The following DYNC2I1 variants were observed in gnomAD, a reference collection of about 807,000 sequenced individuals.
DYNC2I1 encodes dynein 2 intermediate chain 1, also known as cytoplasmic dynein 2 intermediate chain 1.
In DYNC2I1, 89 loss-of-function variants were observed where a neutral mutation model predicts 133.4. That is an observed-to-expected ratio of 0.67 (90% CI 0.56 to 0.80). DYNC2I1 has a LOEUF of 0.80. Among genes scored for constraint, DYNC2I1 ranks in the 30% least tolerant of loss-of-function variants. The probability of loss-of-function intolerance (pLI) is 0.00; values close to 1 mark genes in which losing one functional copy is unlikely to be tolerated. For missense variants in DYNC2I1, 1,291 were observed against 1,314.5 expected (o/e 0.98, Z 0.28); for synonymous variants, 504 against 484.3 (o/e 1.04, Z -0.54).
chr7:158,886,857 T>TC (rs1249872910), intron 6 of DYNC2I1, among the ~76,000 whole-genome samples, 164 bp from the exon 7 acceptor site: 4 of 152,214 alleles, frequency 2.6e-5, no homozygotes, highest in Non-Finnish European at 5.9e-5. Flanking sequence ...TGCCTCAATC[T>TC]CCCAAATAGC....
intron 8 of DYNC2I1, among the ~76,000 whole-genome samples, chr7:158,894,680 A>G (rs927721554): frequency 6.6e-6 from 1 of 152,252 alleles, no homozygotes; most frequent in African/African-American, 2.4e-5. Context: ...TGTGTGAACA[A>G]GTTTCCAGCT....
At chr7:158,932,570 A>G (rs1159433133) in intron 21 of DYNC2I1, among the ~76,000 whole-genome samples, 3 of 151,802 alleles carry the variant, frequency 2.0e-5, no homozygotes, top group African/African-American at 7.3e-5. Context: ...CTGCCGTGCT[A>G]AAGGGTGTGG....
At chr7:158,914,163 T>C in intron 13 of DYNC2I1, 70 bp from the exon 14 acceptor site, 1 of 1,304,462 alleles carries the variant, frequency 7.7e-7, no homozygotes, top group African/African-American at 1.5e-5. Context: ...CTGTTTGAAC[T>C]CTTAAGATGT....
At chr7:158,871,086 G>A (rs1842830082) in intron 2 of DYNC2I1, 56 bp from the exon 3 acceptor site, 5 of 1,546,650 alleles carry the variant, frequency 3.2e-6, no homozygotes, top group Admixed American at 2.1e-5. Context: ...GGTATTAAAA[G>A]TCTAATGGAA....
intron 20 of DYNC2I1, among the ~76,000 whole-genome samples, chr7:158,929,597 C>G (rs998318740): frequency 1.3e-5 from 2 of 152,244 alleles, no homozygotes; most frequent in African/African-American, 4.8e-5. Flanking sequence ...GGCGTTGACC[C>G]TTCTTCACTG....
At chr7:158,928,222 G>A (rs185129982) in intron 20 of DYNC2I1, among the ~76,000 whole-genome samples, 2 of 151,700 alleles carry the variant, frequency 1.3e-5, no homozygotes, top group Non-Finnish European at 1.5e-5. Flanking sequence ...CAGAAGTGAC[G>A]GAGTAATTCA....
intron 8 of DYNC2I1, among the ~76,000 whole-genome samples, chr7:158,899,038 G>T (rs1411693913): frequency 1.3e-4 from 19 of 151,990 alleles, no homozygotes; most frequent in Non-Finnish European, 5.9e-5. Context: ...GAACAGGATT[G>T]GTTCCTGGAC....
At chr7:158,869,704 T>G (rs1842711089) in intron 1 of DYNC2I1, 151 bp from the exon 2 acceptor site, 1 of 615,602 alleles carries the variant, frequency 1.6e-6, no homozygotes, top group African/African-American at 1.8e-5. Context: ...TCTGTATTTC[T>G]GTTACCTTTT....
chr7:158,884,711 G>A, intron 6 of DYNC2I1, 92 bp downstream of exon 6: 1 of 1,342,168 alleles, frequency 7.5e-7, no homozygotes, highest in Non-Finnish European at 1.0e-6. Context: ...ATGACGGCCA[G>A]TCCATGGCAA....
rs1039107132 is a variant in DYNC2I1 at position 158,934,978 on chromosome 7, C to T, written c.2778+429C>T. Among the ~76,000 whole-genome samples the T allele has an allele frequency of 6.6e-5, 10 of 152,056 alleles. No homozygotes were observed. In the South Asian group the frequency reaches 1.9e-3, roughly 28 times the overall value. ...TTAATAACAAATTTTAAAAACAAAA[C>T]CTATGTAGAAATTAAACTCTCGAGT... On this transcript the variant is annotated intron_variant, in intron 23 of 24. Transcript: ENST00000407559.
chr7:158,883,100 T>C (rs1844210408), intron 5 of DYNC2I1, among the ~76,000 whole-genome samples: 1 of 152,236 alleles, frequency 6.6e-6, no homozygotes. Flanking sequence ...TACCGTAAAG[T>C]GCAAGGTGCA....
chr7:158,874,742 G>T (rs1423767957), intron 3 of DYNC2I1, among the ~76,000 whole-genome samples: 2 of 152,170 alleles, frequency 1.3e-5, no homozygotes, highest in African/African-American at 4.8e-5. Flanking sequence ...CTGTTTGTCT[G>T]TGTCCTTATT....
At chr7:158,876,587 A>T (rs1843378583) in intron 3 of DYNC2I1, 22 bp from the exon 4 acceptor site, 4 of 1,545,790 alleles carry the variant, frequency 2.6e-6, no homozygotes, top group Non-Finnish European at 2.6e-6. Context: ...GGAGTATTAA[A>T]AATATGTTTT....
upstream of DYNC2I1, among the ~76,000 whole-genome samples, chr7:158,853,239 C>T (rs1841094749): frequency 6.6e-6 from 1 of 152,202 alleles, no homozygotes; most frequent in Non-Finnish European, 1.5e-5. Flanking sequence ...GACCCCCAAC[C>T]ATCTGAATGG....
intron 1 of DYNC2I1, among the ~76,000 whole-genome samples, chr7:158,864,386 C>T (rs557893655): frequency 1.3e-5 from 2 of 152,250 alleles, no homozygotes; most frequent in South Asian, 2.1e-4. Flanking sequence ...GCCTTTGCTG[C>T]TTTGCACAGA....
the DYNC2I1 span, among the ~76,000 whole-genome samples, chr7:158,847,868 C>A: frequency 6.6e-6 from 1 of 152,134 alleles, no homozygotes; most frequent in African/African-American, 2.4e-5. Context: ...AATCAAGTAA[C>A]TATTAAAACT....
chr7:158,931,220 A>G (rs967652340), intron 21 of DYNC2I1, among the ~76,000 whole-genome samples: 1 of 152,348 alleles, frequency 6.6e-6, no homozygotes, highest in East Asian at 1.9e-4. Context: ...TCACAAATGT[A>G]CAAATATTAT....
intron 1 of DYNC2I1, among the ~76,000 whole-genome samples, chr7:158,859,928 CTAAT>C (rs1841723012): frequency 6.6e-6 from 1 of 152,090 alleles, no homozygotes; most frequent in Non-Finnish European, 1.5e-5. Flanking sequence ...TCATTAGAAT[CTAAT>C]TATGTAACTA....
chr7:158,842,209 A>G, the DYNC2I1 span, among the ~76,000 whole-genome samples: 2 of 152,120 alleles, frequency 1.3e-5, no homozygotes, highest in African/African-American at 4.8e-5. Flanking sequence ...TTGTATTTTT[A>G]GTAGAGATGG....
Sources: allele counts gnomAD v4.1 joint callset (sites outside exome capture counted in the v4.1 genomes callset), GRCh38; gene constraint gnomAD v4.1.1; transcripts MANE v1.5; gene names NCBI Gene and HGNC (gene_info 2026-07-23, HGNC 2026-07-21).